The following ATP6V0D1 variants were observed in gnomAD, a reference collection of about 807,000 sequenced individuals.
ATP6V0D1 encodes ATPase H+ transporting V0 subunit d1.
Under a neutral mutation model 39.0 loss-of-function variants are expected in ATP6V0D1, and 13 were observed. The observed-to-expected ratio is 0.33, with a 90% CI of 0.22 to 0.53. ATP6V0D1 has a LOEUF of 0.53. ATP6V0D1 is among the 20% of genes least tolerant of loss of function. ATP6V0D1 has a pLI of 0.94. For synonymous variants in ATP6V0D1, 191 were observed against 191.2 expected, an observed-to-expected ratio of 1.00 and a Z score of 0.01; for missense variants, 272 against 470.9, an observed-to-expected ratio of 0.58 and a Z score of 3.91.
intron 1 of ATP6V0D1, among the ~76,000 whole-genome samples, chr16:67,479,211 C>T (rs1343922676): frequency 7.1e-6 from 1 of 140,538 alleles, no homozygotes; most frequent in Non-Finnish European, 1.5e-5. Context: ...ATTGTACTGC[C>T]GATTTTTTTT....
chr16:67,474,191 G>A (rs2041397250), intron 1 of ATP6V0D1, among the ~76,000 whole-genome samples: 1 of 152,170 alleles, frequency 6.6e-6, no homozygotes, highest in African/African-American at 2.4e-5. Context: ...GTGACAGCAG[G>A]GAATGACCAC....
rs759566768 is a variant in ATP6V0D1, at chr16:67,444,750, C to A, written c.303-44G>T. ...AGCAAGGAGCCCATCAAGGTGGGGG[C>A]CGGGAAGTCCTGGCATAGCACCATG... On this transcript the variant is annotated intron_variant, in intron 2 of 7. Transcript: ENST00000290949. This position sits in a 1 kb window ranked among gnomAD's most constrained non-coding sequence, Gnocchi z 4.8. 3.3e-6 allele frequency: 5 copies of A among 1,520,922 alleles called. No individual in the cohort carries two copies. Among genetic ancestry groups the A allele is most frequent in the Non-Finnish European group, 4.4e-6 (5 of 1,129,714 alleles). 94.2% of individuals were successfully genotyped at this position (1,520,922 alleles called of 1,614,324 possible).
chr16:67,461,899 G>A (rs1005912901), intron 1 of ATP6V0D1, among the ~76,000 whole-genome samples: 1 of 152,206 alleles, frequency 6.6e-6, no homozygotes, highest in Non-Finnish European at 1.5e-5. Flanking sequence ...ACAGGTGGTA[G>A]GTGGTGGCAG....
intron 4 of ATP6V0D1, among the ~76,000 whole-genome samples, chr16:67,441,894 ACT>A (rs1417321105): frequency 3.3e-5 from 5 of 151,844 alleles, no homozygotes; most frequent in African/African-American, 9.7e-5. Flanking sequence ...TTCTGAGAAG[ACT>A]CTGCTCTGTT....
intron 2 of ATP6V0D1, among the ~76,000 whole-genome samples, chr16:67,450,012 G>T (rs540552318): frequency 1.3e-5 from 2 of 152,308 alleles, no homozygotes; most frequent in East Asian, 3.9e-4. Context: ...GAGCTAAGGT[G>T]ACCTCTGTAA....
At chr16:67,465,892 C>A (rs377073455) in intron 1 of ATP6V0D1, among the ~76,000 whole-genome samples, 18 of 152,276 alleles carry the variant, frequency 1.2e-4, no homozygotes, top group Non-Finnish European at 1.6e-4. Context: ...GCAGCTGCCC[C>A]ACGGAAAAGC....
chr16:67,449,448 C>T (rs1225569685), intron 2 of ATP6V0D1, among the ~76,000 whole-genome samples: 1 of 152,252 alleles, frequency 6.6e-6, no homozygotes, highest in East Asian at 1.9e-4. Context: ...CCAAGTCCCA[C>T]AGCAAGGTAA....
Position 67,481,154 on chromosome 16 carries a change from A to G in ATP6V0D1, c.-68T>C, listed in dbSNP as rs1349053109. The G allele has an allele frequency of 1.9e-6, 3 of 1,600,446 alleles. No homozygotes were observed. Among genetic ancestry groups the G allele is most frequent in the Non-Finnish European group, 2.6e-6 (3 of 1,171,376 alleles). The stretch of plus-strand genomic sequence containing the variant: ...GGCACGAATCGCGACTCCCCAGGTC[A>G]GCTGACGCTGCGTCCTCAGCGGGCT... On this transcript the variant is annotated 5_prime_UTR_variant, in exon 1 of 8. Transcript: ENST00000290949.
At chr16:67,455,379 G>T (rs1264811324) in intron 1 of ATP6V0D1, 1 of 152,156 alleles carries the variant, frequency 6.6e-6, no homozygotes, top group Non-Finnish European at 1.5e-5. Context: ...GCGAGCTAAA[G>T]GAGAGATGGA....
intron 3 of ATP6V0D1, 101 bp from the exon 4 acceptor site, chr16:67,443,279 C>T (rs2041075513): frequency 1.6e-6 from 2 of 1,257,210 alleles, no homozygotes; most frequent in Non-Finnish European, 2.3e-6. Context: ...CCACAAGGCC[C>T]ACAGGGCTGG....
intron 1 of ATP6V0D1, among the ~76,000 whole-genome samples, chr16:67,463,543 AAAAG>A (rs2041305717): frequency 6.6e-6 from 1 of 152,140 alleles, no homozygotes; most frequent in Non-Finnish European, 1.5e-5. Context: ...AAAGAAAGAA[AAAAG>A]AAAGAGGGAG....
rs2142305152 is a variant in ATP6V0D1 at position 67,447,041 on chromosome 16, A to G, written c.303-2335T>C. On this transcript the variant is annotated intron_variant, in intron 2 of 7. Coordinates refer to ENST00000290949, the MANE Select transcript of ATP6V0D1 (RefSeq NM_004691.5). This position sits in a 1 kb window ranked among gnomAD's most constrained non-coding sequence, Gnocchi z 4.1. ...GGCTCTACATACCCCACCTAGTCTC[A>G]TTTTCTCAGAGGGATCCCCACCAGC... Among the ~76,000 whole-genome samples the G allele has an allele frequency of 6.6e-6, 1 of 151,734 alleles. No homozygotes were observed.
At chr16:67,450,868 G>A (rs757079269) in intron 2 of ATP6V0D1, among the ~76,000 whole-genome samples, 1 of 152,168 alleles carries the variant, frequency 6.6e-6, no homozygotes, top group Non-Finnish European at 1.5e-5. Flanking sequence ...AAGAGAAAAG[G>A]AAGGGCACTT....
chr16:67,480,169 A>G (rs1390983202), intron 1 of ATP6V0D1, among the ~76,000 whole-genome samples: 5 of 100,750 alleles, frequency 5.0e-5, no homozygotes, highest in Admixed American at 2.7e-4. Context: ...ACTGCACTCC[A>G]GCCTGGGCGA....
At chr16:67,471,516 CA>C (rs1466066410) in intron 1 of ATP6V0D1, among the ~76,000 whole-genome samples, 1 of 151,938 alleles carries the variant, frequency 6.6e-6, no homozygotes, top group Non-Finnish European at 1.5e-5. Context: ...TGAGAACATT[CA>C]AAATCCTCTC....
In ATP6V0D1 at chr16:67,447,363, A is replaced by G. The variant is rs947074098; in HGVS notation, c.303-2657T>C. 1.2e-4 allele frequency among the ~76,000 whole-genome samples: 18 copies of G among 152,210 alleles called. No individual in the cohort carries two copies. The highest frequency in any genetic ancestry group is 1.8e-4 in the Non-Finnish European group (12 of 68,034). Reference sequence around the variant, plus strand: ...GAGAGGCTGGACAGGCCTGGCAGAGATAAGGCTGGCCCAGCAGTCTGCCTT... The same window carrying G: ...GAGAGGCTGGACAGGCCTGGCAGAGGTAAGGCTGGCCCAGCAGTCTGCCTT... On this transcript the variant is annotated intron_variant, in intron 2 of 7. Transcript: ENST00000290949. This position sits in a 1 kb window ranked among gnomAD's most constrained non-coding sequence, Gnocchi z 4.1.
intron 1 of ATP6V0D1, among the ~76,000 whole-genome samples, chr16:67,474,861 T>C (rs2041402335): frequency 6.6e-6 from 1 of 152,202 alleles, no homozygotes; most frequent in South Asian, 2.1e-4. Flanking sequence ...CATGCCACCA[T>C]CATTTCATTT....
At chr16:67,478,135 A>G (rs2142337753) in intron 1 of ATP6V0D1, among the ~76,000 whole-genome samples, 1 of 152,326 alleles carries the variant, frequency 6.6e-6, no homozygotes, top group Admixed American at 6.5e-5. Flanking sequence ...CCTGTATGAG[A>G]TAGGTGCTGT....
Position 67,439,135 on chromosome 16 carries a change from G to C in ATP6V0D1, c.652C>G (p.Arg218Gly). The change falls in exon 6 of 8, where the codon CGC becomes GGC. Residue 218 changes from arginine to glycine, a missense_variant. Physicochemically the swap from Arg to Gly is moderately radical, Grantham distance 125. This residue lies in a region of ATP6V0D1 where 135 missense variants were observed against 273.8 expected (regional missense o/e 0.49). Coordinates refer to ENST00000290949, the MANE Select transcript of ATP6V0D1 (RefSeq NM_004691.5). Reference sequence around the variant, plus strand: ...TTGATGGTGATGATGAAGGCGCGGCGGTCTGCTTCAAACTGTGGAGCCAGT... The same window carrying C: ...TTGATGGTGATGATGAAGGCGCGGCCGTCTGCTTCAAACTGTGGAGCCAGT... The part of the protein sequence containing the change: ...MCPILEFEAD[R>G]RAFIITINSF... 1 of 1,614,088 alleles carries C rather than the reference G, an allele frequency of 6.2e-7. No homozygotes were observed. Among genetic ancestry groups the C allele is most frequent in the Non-Finnish European group, 8.5e-7 (1 of 1,179,966 alleles).
Sources: allele counts gnomAD v4.1 joint callset (sites outside exome capture counted in the v4.1 genomes callset), GRCh38; gene constraint gnomAD v4.1.1; regional missense constraint gnomAD v4.1.1; non-coding constraint Gnocchi (gnomAD v3.1); transcripts MANE v1.5; gene names NCBI Gene and HGNC (gene_info 2026-07-23, HGNC 2026-07-21).